Variants in TSPAN15 observed in about 807,000 individuals in gnomAD.
The protein encoded by TSPAN15 is tetraspanin 15, also known as tetraspanin-15.
TSPAN15 carries 20 observed loss-of-function variants against 34.5 expected under a neutral mutation model. The observed-to-expected ratio is 0.58, with a 90% CI of 0.41 to 0.84. TSPAN15 has a LOEUF of 0.84. Among genes scored for constraint, TSPAN15 ranks in the 40% least tolerant of loss-of-function variants. The pLI is 0.00. For synonymous variants in TSPAN15, 155 were observed against 153.9 expected, an observed-to-expected ratio of 1.01 and a Z score of -0.05; for missense variants, 313 against 386.1, an observed-to-expected ratio of 0.81 and a Z score of 1.59.
At chr10:69,544,679 A>G in the TSPAN15 span, among the ~76,000 whole-genome samples, 1 of 152,180 alleles carries the variant, frequency 6.6e-6, no homozygotes, top group East Asian at 1.9e-4. Flanking sequence ...ACGATTGAGT[A>G]CTGGATAGAC....
chr10:69,480,128 C>G (rs1354844709), intron 1 of TSPAN15, among the ~76,000 whole-genome samples: 1 of 152,162 alleles, frequency 6.6e-6, no homozygotes, highest in African/African-American at 2.4e-5. Flanking sequence ...ATAGAAGAAG[C>G]CACTGACTGC....
rs568646162 is a variant in TSPAN15, at chr10:69,505,955, G to T, written c.619-169G>T. The T allele has an allele frequency of 2.3e-5, 14 of 602,962 alleles. No homozygotes were observed. The African/African-American group carries it at 2.4e-4, about 10-fold the overall frequency. 37.4% of individuals were successfully genotyped at this position (602,962 alleles called of 1,614,324 possible). ...CCAGTCCTCTCTAGAGAACAGTACT[G>T]TCCATTAAGAATCAGAATCTAGGGT... On this transcript the variant is annotated intron_variant, in intron 6 of 7. Coordinates refer to ENST00000373290, the MANE Select transcript of TSPAN15 (RefSeq NM_012339.5).
At chr10:69,498,136 C>G in intron 4 of TSPAN15, 144 bp from the exon 5 acceptor site, 1 of 689,314 alleles carries the variant, frequency 1.5e-6, no homozygotes, top group East Asian at 2.7e-5. Context: ...TTTGACAGCT[C>G]TGACTTGAAA....
At chr10:69,516,800 G>C in the TSPAN15 span, among the ~76,000 whole-genome samples, 1 of 152,334 alleles carries the variant, frequency 6.6e-6, no homozygotes, top group Middle Eastern at 3.4e-3. Flanking sequence ...CTCCCCCACT[G>C]AGGGGTGGGA....
chr10:69,483,687 G>A lies in TSPAN15; in HGVS notation c.97-4G>A. 6.2e-7 allele frequency: 1 copy of A among 1,612,264 alleles called. No homozygotes were observed. Among genetic ancestry groups the A allele is most frequent in the South Asian group, 1.1e-5 (1 of 90,976 alleles). ...CTCTCTCACCCTCTGTTTTCTTGCT[G>A]CAGCTGATTGGGGCCCTGGTCCTGT... On this transcript the variant is annotated splice_polypyrimidine_tract_variant and splice_region_variant and intron_variant, in intron 1 of 7. Coordinates refer to ENST00000373290, the MANE Select transcript of TSPAN15 (RefSeq NM_012339.5).
At chr10:69,493,907 G>A (rs1348785180) in intron 3 of TSPAN15, among the ~76,000 whole-genome samples, 8 of 152,210 alleles carry the variant, frequency 5.3e-5, no homozygotes, top group African/African-American at 1.4e-4. Context: ...GAGCCACCGC[G>A]CCAGGCCTCC....
chr10:69,519,066 A>G, the TSPAN15 span, among the ~76,000 whole-genome samples: 3 of 152,234 alleles, frequency 2.0e-5, no homozygotes, highest in East Asian at 3.8e-4. Context: ...TGAAGGAACT[A>G]AAGTTCCATG....
the TSPAN15 span, among the ~76,000 whole-genome samples, chr10:69,539,542 AAGG>A: frequency 6.4e-5 from 4 of 62,112 alleles, no homozygotes; most frequent in Non-Finnish European, 1.4e-4. Flanking sequence ...GAAGAAGGAG[AAGG>A]AGAAGGAGAA....
In TSPAN15 at chr10:69,483,767, C is replaced by G; in HGVS notation, c.173C>G (p.Ala58Gly). ...CAGAAATATAAAACCCTTGAAAGTG[C>G]CTTCCTGGCTCCAGCCATCATCCTC... The part of the protein sequence containing the change: ...ERQKYKTLES[A>G]FLAPAIILIL... The change falls in exon 2 of 8, where the codon GCC becomes GGC. Residue 58 changes from alanine (A) to glycine (G), a missense_variant. Ala to Gly is a moderately conservative substitution (Grantham distance 60). Coordinates refer to ENST00000373290, the MANE Select transcript of TSPAN15 (RefSeq NM_012339.5). The G allele has an allele frequency of 6.2e-7, 1 of 1,614,206 alleles. No homozygotes were observed. The highest frequency in any genetic ancestry group is 8.5e-7 in the Non-Finnish European group (1 of 1,180,036).
At chr10:69,484,900 A>T (rs1003602351) in intron 2 of TSPAN15, among the ~76,000 whole-genome samples, 3 of 151,994 alleles carry the variant, frequency 2.0e-5, no homozygotes, top group Non-Finnish European at 4.4e-5. Context: ...GGAGGTAACC[A>T]TTTGGCTGGG....
At chr10:69,469,045 A>AGGGTTGGACCGTTCAGCCCCTCCTGT (rs142467676) in intron 1 of TSPAN15, among the ~76,000 whole-genome samples, 1,824 of 107,220 alleles carry the variant, frequency 0.017, 37 homozygotes, top group African/African-American at 0.058. Context: ...AAATAATTAG[A>AGGGTTGGACCGTTCAGCCCCTCCTGT]GGGCTGGACA....
At chr10:69,523,609 G>A in the TSPAN15 span, 76 of 239,192 alleles carry the variant, frequency 3.2e-4, 5 homozygotes, top group African/African-American at 1.6e-3. Context: ...AGCTCTGGAC[G>A]AGGCACCCAC....
In TSPAN15 at chr10:69,506,375, G is replaced by T; in HGVS notation, c.735+135G>T. ...CCTGGGGAGGGCTGCATGGCTGGAA[G>T]GAGGGGCAAATGGCAATAGCAGTCG... is the stretch of plus-strand genomic sequence containing the variant. On this transcript the variant is annotated intron_variant, in intron 7 of 7. Transcript: ENST00000373290. The surrounding 1 kb of genome is among the most constrained non-coding windows in gnomAD (Gnocchi z 4.7). 1.3e-6 allele frequency: 1 copy of T among 798,116 alleles called. No individual in the cohort carries two copies. Among genetic ancestry groups the T allele is most frequent in the Non-Finnish European group, 2.0e-6 (1 of 495,360 alleles). The allele number at this position is 798,116 out of a possible 1,614,324, so 49.4% of individuals were successfully genotyped here. A position where few individuals can be genotyped will look rare whatever the true frequency, so the allele number is the denominator to read the frequency against.
chr10:69,464,272 C>T (rs1391621483), intron 1 of TSPAN15, among the ~76,000 whole-genome samples: 1 of 152,162 alleles, frequency 6.6e-6, no homozygotes, highest in East Asian at 1.9e-4. Flanking sequence ...AATGCAAGCC[C>T]TTCTGCCTCA....
rs1352751933 is a variant in TSPAN15 at position 69,475,018 on chromosome 10, C to CG, written c.97-8672dup. ...ATCACCAGACACCATTACCCATGTA[C>CG]GCTGGGGACACAGCCTTGGGAGGCA... On this transcript the variant is annotated intron_variant, in intron 1 of 7. Transcript: ENST00000373290. 4.6e-5 allele frequency among the ~76,000 whole-genome samples: 7 copies of CG among 152,280 alleles called. No individual in the cohort carries two copies. The East Asian group carries it at 1.4e-3, about 29-fold the overall frequency.
rs116580962 is a variant in TSPAN15 at position 69,478,925 on chromosome 10, C to T, written c.97-4766C>T. Among the ~76,000 whole-genome samples the T allele has an allele frequency of 3.2e-3, 494 of 152,282 alleles. 2 individuals carry two copies. Among genetic ancestry groups the T allele is most frequent in the African/African-American group, 0.011 (473 of 41,554 alleles). ...CTACTGGTGACAAAATTGCAGGTGC[C>T]GTTAATACTACTTCAGTTTGTTGCC... On this transcript the variant is annotated intron_variant, in intron 1 of 7. Transcript: ENST00000373290.
At chr10:69,523,059 A>G in the TSPAN15 span, among the ~76,000 whole-genome samples, 1 of 147,844 alleles carries the variant, frequency 6.8e-6, no homozygotes, top group South Asian at 2.1e-4. Context: ...TAGCTCTTAC[A>G]TTTAGGTCTT....
Position 69,451,682 on chromosome 10 carries a change from G to A in TSPAN15, c.88G>A (p.Val30Met). 2 of 1,521,188 alleles carry A rather than the reference G, an allele frequency of 1.3e-6. No individual in the cohort carries two copies. The highest frequency in any genetic ancestry group is 2.8e-5 in the African/African-American group (2 of 71,214). The allele number at this position is 1,521,188 out of a possible 1,614,324, so 94.2% of individuals were successfully genotyped here. The change falls in exon 1 of 8, where the codon GTG becomes ATG. Residue 30 changes from valine to methionine, a missense_variant. Physicochemically the swap from Val to Met is conservative, Grantham distance 21. Transcript: ENST00000373290. ...GTTTTCACTTATCATCTATTCCACCGTGTTCTGGGTGAGTGACCCCAGTAG... is the reference window on the plus strand; with the variant it reads ...GTTTTCACTTATCATCTATTCCACCATGTTCTGGGTGAGTGACCCCAGTAG... ...LKFSLIIYST[V>M]FWLIGALVLS... is the part of the protein sequence containing the mutation.
intron 1 of TSPAN15, among the ~76,000 whole-genome samples, chr10:69,458,070 C>T (rs1456770310): frequency 1.3e-5 from 2 of 152,198 alleles, no homozygotes; most frequent in Non-Finnish European, 2.9e-5. Flanking sequence ...AGACCAGATC[C>T]AGGCTGCCTG....
Sources: allele counts gnomAD v4.1 joint callset (sites outside exome capture counted in the v4.1 genomes callset), GRCh38; gene constraint gnomAD v4.1.1; non-coding constraint Gnocchi (gnomAD v3.1); transcripts MANE v1.5; gene names NCBI Gene and HGNC (gene_info 2026-07-23, HGNC 2026-07-21).